The following PCDHGA9 variants were observed in gnomAD, a reference collection of about 807,000 sequenced individuals.
PCDHGA9 encodes protocadherin gamma-A9.
Under a neutral mutation model 62.5 loss-of-function variants are expected in PCDHGA9, and 37 were observed. The ratio of observed to expected loss-of-function variants is 0.59; its 90% CI spans 0.46 to 0.78. The LOEUF is 0.78. Ranked by LOEUF, PCDHGA9 falls within the 30% of genes least tolerant of loss-of-function variation. The probability of loss-of-function intolerance (pLI) is 0.00; values close to 1 mark genes in which losing one functional copy is unlikely to be tolerated. For synonymous variants in PCDHGA9, 459 were observed against 484.6 expected (o/e 0.95, Z 0.69); for missense variants, 1,138 against 1,166.2 (o/e 0.98, Z 0.35).
In PCDHGA9 at chr5:141,491,354, C is replaced by T. The variant is rs2099710960; in HGVS notation, c.2425-3453C>T. The T allele has an allele frequency of 6.2e-7, 1 of 1,614,166 alleles. No homozygotes were observed. Among genetic ancestry groups the T allele is most frequent in the South Asian group, 1.1e-5 (1 of 91,088 alleles). On this transcript the variant is annotated intron_variant, in intron 1 of 3. Coordinates refer to ENST00000573521, the MANE Select transcript of PCDHGA9 (RefSeq NM_018921.3). This position sits in a 1 kb window ranked among gnomAD's most constrained non-coding sequence, Gnocchi z 6.9. ...GCTCTAGCGACCGTCAGTCTCTTAT[C>T]CCTAGTCACCTTCACCTTTCTGTCA...
In PCDHGA9 at chr5:141,404,039, G is replaced by A; in HGVS notation, c.1087G>A (p.Gly363Arg). 6.2e-7 allele frequency: 1 copy of A among 1,613,750 alleles called. No individual in the cohort carries two copies. Among genetic ancestry groups the A allele is most frequent in the Non-Finnish European group, 8.5e-7 (1 of 1,179,834 alleles). The stretch of plus-strand genomic sequence containing the variant: ...CCCAGTGAGAGAAGACGCACCTCAG[G>A]GAACAGTAATTCTTCTTTTCAATGC... ...FSPVREDAPQ[G>R]TVILLFNAHD... is the part of the protein sequence containing the mutation. Residue 363 changes from glycine (G) to arginine (R), a missense_variant, in exon 1 of 4, where the codon GGA becomes AGA. Transcript: ENST00000573521.
At position 141,511,622 on chromosome 5, in the gene PCDHGA9, A is replaced by G; in HGVS notation, c.*449A>G. 4.3e-6 allele frequency: 1 copy of G among 232,852 alleles called. No individual in the cohort carries two copies. The highest frequency in any genetic ancestry group is 8.7e-6 in the Non-Finnish European group (1 of 114,994). The allele number at this position is 232,852 out of a possible 1,614,324, so 14.4% of individuals were successfully genotyped here. A position where few individuals can be genotyped will look rare whatever the true frequency, so the allele number is the denominator to read the frequency against. On this transcript the variant is annotated 3_prime_UTR_variant, in exon 4 of 4. Transcript: ENST00000573521. ...AACCTACAAGCCTCCTAGTTCTGAA[A>G]AGTTGGAAGGGCATCATGACCTCTT...
chr5:141,488,210 A>G (rs2099673009), intron 1 of PCDHGA9, among the ~76,000 whole-genome samples: 1 of 152,192 alleles, frequency 6.6e-6, no homozygotes, highest in Admixed American at 6.5e-5. Context: ...ACTCATATCA[A>G]GTCCCTACTG....
At chr5:141,414,183 A>C in intron 1 of PCDHGA9, 1 of 1,609,508 alleles carries the variant, frequency 6.2e-7, no homozygotes, top group Non-Finnish European at 8.5e-7. Flanking sequence ...CAACTGCAAA[A>C]GTGTTGATTA....
At chr5:141,435,346 G>A (rs2097758346) in intron 1 of PCDHGA9, among the ~76,000 whole-genome samples, 1 of 152,012 alleles carries the variant, frequency 6.6e-6, no homozygotes, top group South Asian at 2.1e-4. Flanking sequence ...TATTTCTTCT[G>A]CATTTAAAAT....
At chr5:141,407,276 T>C (rs1393118660) in intron 1 of PCDHGA9, among the ~76,000 whole-genome samples, 2 of 152,292 alleles carry the variant, frequency 1.3e-5, no homozygotes, top group East Asian at 3.9e-4. Context: ...AACAAGAAAA[T>C]TGTTACAATT....
At chr5:141,498,967 GGGAGGGAAGGAA>G (rs1374222518) in intron 2 of PCDHGA9, among the ~76,000 whole-genome samples, 13 of 129,674 alleles carry the variant, frequency 1.0e-4, no homozygotes, top group South Asian at 5.5e-4. Context: ...GAGGGAGGGA[GGGAGGGAAGGAA>G]GGAAGGAAGG....
At chr5:141,415,081 C>T in intron 1 of PCDHGA9, 1 of 1,613,522 alleles carries the variant, frequency 6.2e-7, no homozygotes, top group Non-Finnish European at 8.5e-7. Context: ...GGCGCGAGCC[C>T]TGCTGGACAG....
chr5:141,510,854 T>A, intron 3 of PCDHGA9, 93 bp from the exon 4 acceptor site: 1 of 1,602,320 alleles, frequency 6.2e-7, no homozygotes, highest in East Asian at 2.2e-5. Context: ...CCCAGGGTGC[T>A]GTATAGGCAT....
At chr5:141,465,945 AC>A (rs761290693) in intron 1 of PCDHGA9, among the ~76,000 whole-genome samples, 7 of 151,958 alleles carry the variant, frequency 4.6e-5, no homozygotes, top group Non-Finnish European at 5.9e-5. Context: ...ACATGGTGAA[AC>A]CCCATCTCTA....
intron 1 of PCDHGA9, chr5:141,421,468 C>G: frequency 1.2e-6 from 2 of 1,614,096 alleles, no homozygotes; most frequent in Non-Finnish European, 1.7e-6. Flanking sequence ...TGTGAATCCG[C>G]GAAGCGGCAG....
intron 1 of PCDHGA9, chr5:141,423,105 G>C (rs1480411428): frequency 1.9e-6 from 3 of 1,613,920 alleles, no homozygotes; most frequent in East Asian, 4.5e-5. Flanking sequence ...ACACGGGCGA[G>C]GTGCGTACAG....
At chr5:141,420,699 C>T (rs2096518531) in intron 1 of PCDHGA9, among the ~76,000 whole-genome samples, 1 of 152,236 alleles carries the variant, frequency 6.6e-6, no homozygotes, top group African/African-American at 2.4e-5. Context: ...ATTATTTCCA[C>T]TTCCAGAAAT....
intron 1 of PCDHGA9, chr5:141,421,487 C>A (rs1447180364): frequency 6.2e-7 from 1 of 1,613,976 alleles, no homozygotes; most frequent in East Asian, 2.2e-5. Context: ...AGCTTGATCA[C>A]GGCAGGCAGG....
rs779792543 is a variant in PCDHGA9 at position 141,486,994 on chromosome 5, C to T, written c.2425-7813C>T. ...ATTCAGGTTACAATGCTTGGGTTTCCTATCAGCTCCTGGAGGCCCCAGATC... is the reference window on the plus strand; with the variant it reads ...ATTCAGGTTACAATGCTTGGGTTTCTTATCAGCTCCTGGAGGCCCCAGATC... On this transcript the variant is annotated intron_variant, in intron 1 of 3. Coordinates refer to ENST00000573521, the MANE Select transcript of PCDHGA9 (RefSeq NM_018921.3). This position sits in a 1 kb window ranked among gnomAD's most constrained non-coding sequence, Gnocchi z 5.0. The T allele has an allele frequency of 6.2e-7, 1 of 1,614,214 alleles. No individual in the cohort carries two copies. The highest frequency in any genetic ancestry group is 8.5e-7 in the Non-Finnish European group (1 of 1,180,034).
In PCDHGA9 at chr5:141,432,613, G is replaced by A. The variant is rs1461837957; in HGVS notation, c.2424+27237G>A. 6.2e-7 allele frequency: 1 copy of A among 1,613,946 alleles called. No homozygotes were observed. The highest frequency in any genetic ancestry group is 1.3e-5 in the African/African-American group (1 of 75,056). On this transcript the variant is annotated intron_variant, in intron 1 of 3. Coordinates refer to ENST00000573521, the MANE Select transcript of PCDHGA9 (RefSeq NM_018921.3). The surrounding 1 kb of genome is among the most constrained non-coding windows in gnomAD (Gnocchi z 6.0). ...AGGCCAGCGAGCCGGGACTCTTCTC[G>A]GTGGGTCTGCACACGGGCGAGGTGC...
chr5:141,429,376 T>TG (rs2097206796), intron 1 of PCDHGA9, among the ~76,000 whole-genome samples: 1 of 144,558 alleles, frequency 6.9e-6, no homozygotes, highest in Non-Finnish European at 1.5e-5. Context: ...GGAGAAAATG[T>TG]GTTTTTTTTT....
At chr5:141,447,182 C>G (rs1205769161) in intron 1 of PCDHGA9, among the ~76,000 whole-genome samples, 1 of 152,126 alleles carries the variant, frequency 6.6e-6, no homozygotes, top group Non-Finnish European at 1.5e-5. Flanking sequence ...TCTTGTCGCG[C>G]AGGCTGGAGT....
rs1196083589 is a variant in PCDHGA9, at chr5:141,486,525, A to G, written c.2425-8282A>G. On this transcript the variant is annotated intron_variant, in intron 1 of 3. Coordinates refer to ENST00000573521, the MANE Select transcript of PCDHGA9 (RefSeq NM_018921.3). This position sits in a 1 kb window ranked among gnomAD's most constrained non-coding sequence, Gnocchi z 5.0. ...CTCAATATTTCAGATGTGAATGATA[A>G]TCCACCCTCTTTCTTTCAGAGGTCA... 1 of 1,614,158 alleles carries G rather than the reference A, an allele frequency of 6.2e-7. No individual in the cohort carries two copies. Among genetic ancestry groups the G allele is most frequent in the African/African-American group, 1.3e-5 (1 of 75,054 alleles).
Sources: gnomAD v4.1 joint callset for allele counts (sites outside exome capture counted in the v4.1 genomes callset) on GRCh38, gnomAD v4.1.1 for gene constraint, Gnocchi (gnomAD v3.1) non-coding constraint, MANE v1.5 for transcripts, NCBI Gene and HGNC (gene_info 2026-07-23, HGNC 2026-07-21) for gene names.